The following CLIC5 variants were observed in gnomAD, a reference collection of about 807,000 sequenced individuals.
CLIC5 encodes chloride intracellular channel protein 5.
Under a neutral mutation model 24.7 loss-of-function variants are expected in CLIC5, and 20 were observed. That is an observed-to-expected ratio of 0.81 (90% CI 0.57 to 1.18). CLIC5 has a LOEUF of 1.18. Among genes scored for constraint, CLIC5 ranks in the 50% most tolerant of loss-of-function variants. CLIC5 has a pLI of 0.00. For missense variants in CLIC5, 341 were observed against 326.1 expected (o/e 1.05, Z -0.35); for synonymous variants, 159 against 135.6 (o/e 1.17, Z -1.20).
At chr6:46,121,079 A>G in the CLIC5 span, among the ~76,000 whole-genome samples, 1 of 152,182 alleles carries the variant, frequency 6.6e-6, no homozygotes, top group African/African-American at 2.4e-5. Flanking sequence ...AAATACAGAG[A>G]ATGCCACCAA....
chr6:45,987,971 C>T (rs1338841417), intron 1 of CLIC5, among the ~76,000 whole-genome samples: 1 of 152,200 alleles, frequency 6.6e-6, no homozygotes, highest in African/African-American at 2.4e-5. Flanking sequence ...ATGCAATATG[C>T]ATTTATTCCA....
the CLIC5 span, among the ~76,000 whole-genome samples, chr6:46,105,975 C>T: frequency 6.6e-6 from 1 of 152,222 alleles, no homozygotes; most frequent in Admixed American, 6.5e-5. Context: ...ATGAGACTCT[C>T]ATGGGAGATG....
In CLIC5 at chr6:45,903,262, C is replaced by T. The variant is rs1762558957; in HGVS notation, c.589-7G>A. On this transcript the variant is annotated splice_region_variant and splice_polypyrimidine_tract_variant and intron_variant, in intron 5 of 5. Transcript: ENST00000339561. ...GGTATTTCTTGGCCACAATCTAAAA[C>T]AGAGATGGCAGGACAGAGGTGGTGT... The T allele has an allele frequency of 4.4e-6, 7 of 1,575,228 alleles. No individual in the cohort carries two copies. Among genetic ancestry groups the T allele is most frequent in the Non-Finnish European group, 6.0e-6 (7 of 1,160,356 alleles).
intron 4 of CLIC5, chr6:45,918,929 A>G: frequency 1.0e-6 from 1 of 984,840 alleles, no homozygotes; most frequent in South Asian, 4.7e-5. Context: ...TGAGTCTTAG[A>G]CTTACCCAGG....
the CLIC5 span, among the ~76,000 whole-genome samples, chr6:46,114,456 T>G: frequency 6.6e-6 from 1 of 152,206 alleles, no homozygotes; most frequent in Non-Finnish European, 1.5e-5. Context: ...TTTGCCCTCT[T>G]TCCTCCTTAT....
At chr6:45,906,911 GA>G (rs371392585) in intron 5 of CLIC5, among the ~76,000 whole-genome samples, 104 of 152,338 alleles carry the variant, frequency 6.8e-4, no homozygotes, top group African/African-American at 2.1e-3. Flanking sequence ...ATCAGTTCCA[GA>G]AGCCTTCTGG....
At chr6:46,117,823 A>T in the CLIC5 span, among the ~76,000 whole-genome samples, 2 of 152,118 alleles carry the variant, frequency 1.3e-5, no homozygotes, top group Non-Finnish European at 2.9e-5. Flanking sequence ...TTTTTTTCAC[A>T]TTTTAATGTC....
chr6:45,914,160 C>T, intron 5 of CLIC5, 68 bp downstream of exon 5: 1 of 1,349,698 alleles, frequency 7.4e-7, no homozygotes, highest in Non-Finnish European at 9.9e-7. Flanking sequence ...CTTGACTCAT[C>T]CACACAGGTG....
At chr6:46,064,260 C>G (rs965675545) in intron 1 of CLIC5, among the ~76,000 whole-genome samples, 1 of 151,974 alleles carries the variant, frequency 6.6e-6, no homozygotes, top group Non-Finnish European at 1.5e-5. Flanking sequence ...CTGAATATCC[C>G]TATATCTATT....
chr6:45,957,948 G>A (rs1764700079), intron 1 of CLIC5, among the ~76,000 whole-genome samples: 1 of 43,808 alleles, frequency 2.3e-5, no homozygotes, highest in South Asian at 4.8e-4. Context: ...TTGTTCCAGA[G>A]AGATTTTGAG....
the CLIC5 span, among the ~76,000 whole-genome samples, chr6:46,093,697 C>T: frequency 3.3e-4 from 50 of 152,302 alleles, no homozygotes; most frequent in Non-Finnish European, 6.2e-4. Context: ...AATATGACTA[C>T]TTGGGGAAAA....
At chr6:46,086,377 G>A in the CLIC5 span, among the ~76,000 whole-genome samples, 3 of 152,176 alleles carry the variant, frequency 2.0e-5, no homozygotes, top group East Asian at 1.9e-4. Context: ...GTTGCTATTC[G>A]GCCATCTTGG....
chr6:45,959,904 G>A (rs1421160989), intron 1 of CLIC5, among the ~76,000 whole-genome samples: 3 of 152,006 alleles, frequency 2.0e-5, no homozygotes, highest in African/African-American at 7.3e-5. Context: ...CTTCATCAAG[G>A]ACATTCATAA....
chr6:46,014,794 G>T (rs1294628427), intron 1 of CLIC5: 2 of 152,208 alleles, frequency 1.3e-5, no homozygotes, highest in Non-Finnish European at 2.9e-5. Flanking sequence ...CATTTAATTT[G>T]CACTGTGCTC....
At chr6:46,056,162 G>A (rs1768244347) in intron 1 of CLIC5, among the ~76,000 whole-genome samples, 1 of 152,134 alleles carries the variant, frequency 6.6e-6, no homozygotes, top group Admixed American at 6.5e-5. Context: ...ATTTGACTAA[G>A]ATCATCAAAC....
intron 1 of CLIC5, among the ~76,000 whole-genome samples, chr6:45,958,956 GCATACATACTACATA>G (rs1034360492): frequency 1.7e-5 from 2 of 115,308 alleles, no homozygotes; most frequent in African/African-American, 6.5e-5. Flanking sequence ...TAAAATACAT[GCATACATACTACATA>G]CATACATACA....
chr6:46,053,349 A>G (rs902453326), intron 1 of CLIC5, among the ~76,000 whole-genome samples: 1 of 152,178 alleles, frequency 6.6e-6, no homozygotes, highest in African/African-American at 2.4e-5. Context: ...GAATAAGGAA[A>G]CAGAAATTCA....
At chr6:46,092,314 G>A in the CLIC5 span, among the ~76,000 whole-genome samples, 1 of 152,178 alleles carries the variant, frequency 6.6e-6, no homozygotes, top group Admixed American at 6.5e-5. Flanking sequence ...GGTGTCTTCT[G>A]AGACTTGCTA....
At chr6:45,941,007 G>A (rs540222356) in intron 4 of CLIC5, among the ~76,000 whole-genome samples, 14 of 152,324 alleles carry the variant, frequency 9.2e-5, no homozygotes, top group African/African-American at 2.6e-4. Context: ...GATGTAGGAT[G>A]GGCCAGGCTT....
Sources: allele counts gnomAD v4.1 joint callset (sites outside exome capture counted in the v4.1 genomes callset), GRCh38; gene constraint gnomAD v4.1.1; transcripts MANE v1.5; gene names NCBI Gene and HGNC (gene_info 2026-07-23, HGNC 2026-07-21).